The following TAF4B variants were observed in gnomAD, a reference collection of about 807,000 sequenced individuals.
The protein encoded by TAF4B is TATA-box binding protein associated factor 4b, also known as transcription initiation factor TFIID subunit 4B.
TAF4B carries 38 observed loss-of-function variants against 86.4 expected under a neutral mutation model. The observed-to-expected ratio is 0.44, with a 90% CI of 0.34 to 0.58. The LOEUF (loss-of-function observed/expected upper bound fraction) is 0.58. TAF4B is among the 20% of genes least tolerant of loss of function. The pLI, the probability that TAF4B is intolerant of heterozygous loss-of-function variation, is 0.02. For missense variants in TAF4B, 988 were observed against 1,027.6 expected (o/e 0.96, Z 0.53); for synonymous variants, 388 against 391.2 (o/e 0.99, Z 0.10).
chr18:26,256,686 A>G (rs985685969), intron 1 of TAF4B, among the ~76,000 whole-genome samples: 1 of 152,062 alleles, frequency 6.6e-6, no homozygotes, highest in East Asian at 1.9e-4. Context: ...GTTGCATCAC[A>G]TAGATTTTGG....
At chr18:26,325,920 A>G (rs1472575482) in intron 11 of TAF4B, among the ~76,000 whole-genome samples, 1 of 152,186 alleles carries the variant, frequency 6.6e-6, no homozygotes, top group East Asian at 1.9e-4. Flanking sequence ...CAACAATAAA[A>G]ATTTAATTTA....
chr18:26,365,784 G>A (rs2057367556), intron 14 of TAF4B, among the ~76,000 whole-genome samples: 2 of 151,996 alleles, frequency 1.3e-5, no homozygotes. Context: ...CTGATAGAAT[G>A]TTTTTGGTTT....
At chr18:26,346,857 A>ATGTGTG (rs1296161066) in intron 13 of TAF4B, among the ~76,000 whole-genome samples, 8 of 9,848 alleles carry the variant, frequency 8.1e-4, no homozygotes, top group African/African-American at 1.5e-3. Flanking sequence ...ATATATATAT[A>ATGTGTG]TGTGTATATA....
chr18:26,381,996 C>T (rs1358118480), intron 14 of TAF4B, among the ~76,000 whole-genome samples: 2 of 151,604 alleles, frequency 1.3e-5, no homozygotes, highest in African/African-American at 4.8e-5. Flanking sequence ...TTTCTATCAG[C>T]CTGTATGCAA....
At chr18:26,314,767 T>G (rs2056885000) in intron 9 of TAF4B, among the ~76,000 whole-genome samples, 1 of 152,208 alleles carries the variant, frequency 6.6e-6, no homozygotes, top group South Asian at 2.1e-4. Flanking sequence ...TGATGGACTT[T>G]TAACCATCTT....
intron 1 of TAF4B, among the ~76,000 whole-genome samples, chr18:26,244,664 G>A (rs937540589): frequency 3.9e-5 from 6 of 152,178 alleles, no homozygotes; most frequent in African/African-American, 1.4e-4. Context: ...TATGCTGGGA[G>A]CTGTAGACTG....
At chr18:26,280,750 A>G (rs1291922945) in intron 5 of TAF4B, among the ~76,000 whole-genome samples, 1 of 152,244 alleles carries the variant, frequency 6.6e-6, no homozygotes, top group Non-Finnish European at 1.5e-5. Flanking sequence ...AAGATTTCTT[A>G]AAGAACTAAA....
chr18:26,386,208 T>G (rs1456001596), intron 14 of TAF4B, among the ~76,000 whole-genome samples: 1 of 152,154 alleles, frequency 6.6e-6, no homozygotes, highest in Non-Finnish European at 1.5e-5. Context: ...AACTCTGTGC[T>G]GGCAGCTGTA....
chr18:26,227,994 G>GT (rs2055604673), intron 1 of TAF4B, among the ~76,000 whole-genome samples: 1 of 152,224 alleles, frequency 6.6e-6, no homozygotes, highest in Admixed American at 6.5e-5. Context: ...ACGTGCCACA[G>GT]TTGACAAACA....
At chr18:26,238,998 A>G (rs1480757355) in intron 1 of TAF4B, among the ~76,000 whole-genome samples, 6 of 152,252 alleles carry the variant, frequency 3.9e-5, no homozygotes, top group Non-Finnish European at 8.8e-5. Flanking sequence ...ATTGATGGAC[A>G]TTTGGGTTGG....
intron 14 of TAF4B, among the ~76,000 whole-genome samples, chr18:26,370,149 G>A (rs1442471897): frequency 2.0e-5 from 3 of 152,028 alleles, no homozygotes; most frequent in African/African-American, 7.3e-5. Context: ...CTTAAGAAAA[G>A]GGCTGTAAAT....
chr18:26,305,508 A>G (rs1031162364), intron 9 of TAF4B, among the ~76,000 whole-genome samples: 1 of 152,168 alleles, frequency 6.6e-6, no homozygotes, highest in Non-Finnish European at 1.5e-5. Context: ...GCTGGGTTCA[A>G]ACGATTCTCG....
intron 14 of TAF4B, among the ~76,000 whole-genome samples, chr18:26,389,644 G>T (rs1445725322): frequency 6.6e-6 from 1 of 152,220 alleles, no homozygotes; most frequent in Admixed American, 6.5e-5. Flanking sequence ...GAGCAGGAAA[G>T]AATGAATGAG....
chr18:26,365,973 T>C (rs994637209), intron 14 of TAF4B, among the ~76,000 whole-genome samples: 6 of 152,166 alleles, frequency 3.9e-5, no homozygotes, highest in African/African-American at 1.4e-4. Flanking sequence ...GTATTTTTAG[T>C]TGTGACCAAG....
chr18:26,338,310 G>C (rs1299755774), intron 13 of TAF4B, among the ~76,000 whole-genome samples: 1 of 151,696 alleles, frequency 6.6e-6, no homozygotes, highest in East Asian at 1.9e-4. Context: ...TTAGCTGAGT[G>C]TGGTGGTGCA....
intron 5 of TAF4B, among the ~76,000 whole-genome samples, chr18:26,276,353 TA>T (rs2056384186): frequency 6.6e-6 from 1 of 152,194 alleles, no homozygotes; most frequent in Non-Finnish European, 1.5e-5. Context: ...AGTTAGCAAA[TA>T]TTTCATATTA....
At chr18:26,332,311 C>T (rs1435211456) in intron 12 of TAF4B, among the ~76,000 whole-genome samples, 1 of 152,146 alleles carries the variant, frequency 6.6e-6, no homozygotes, top group Non-Finnish European at 1.5e-5. Context: ...GATGCTAGTC[C>T]ACGCTTCCCT....
At chr18:26,230,054 T>G (rs188842286) in intron 1 of TAF4B, among the ~76,000 whole-genome samples, 1 of 151,992 alleles carries the variant, frequency 6.6e-6, no homozygotes, top group Non-Finnish European at 1.5e-5. Flanking sequence ...ATAAAAAGAA[T>G]GCACAAGAGA....
At chr18:26,366,147 G>A (rs575669591) in intron 14 of TAF4B, among the ~76,000 whole-genome samples, 20 of 152,238 alleles carry the variant, frequency 1.3e-4, no homozygotes, top group African/African-American at 4.1e-4. Flanking sequence ...TAAAGGAAGA[G>A]TTATAGAATT....
Sources: gnomAD v4.1 joint callset for allele counts (sites outside exome capture counted in the v4.1 genomes callset) on GRCh38, gnomAD v4.1.1 for gene constraint, MANE v1.5 for transcripts, NCBI Gene and HGNC (gene_info 2026-07-23, HGNC 2026-07-21) for gene names.